MCM9: variants seen among roughly 807,000 people sequenced by gnomAD.
The protein encoded by MCM9 is DNA helicase MCM9.
In MCM9, 55 loss-of-function variants were observed where a neutral mutation model predicts 72.8. The observed-to-expected ratio is 0.76, with a 90% confidence interval of 0.61 to 0.95. MCM9 has a LOEUF of 0.95. Among genes scored for constraint, MCM9 ranks in the 40% least tolerant of loss-of-function variants. MCM9 has a pLI of 0.00. For synonymous variants in MCM9, 480 were observed against 503.4 expected (o/e 0.95, Z 0.62); for missense variants, 1,279 against 1,377.0 (o/e 0.93, Z 1.13).
chr6:118,836,485 T>G (rs1027194495), intron 9 of MCM9, among the ~76,000 whole-genome samples: 4 of 152,222 alleles, frequency 2.6e-5, no homozygotes, highest in African/African-American at 9.7e-5. Context: ...TGGGCTTTTT[T>G]GGGTTGGTAG....
rs1773382880 is a variant in MCM9, at chr6:118,815,909, CCT to C, written c.2345_2346del (p.Gln782ArgfsTer2). 6.5e-7 allele frequency: 1 copy of C among 1,546,562 alleles called. No homozygotes were observed. Among genetic ancestry groups the C allele is most frequent in the Admixed American group, 2.0e-5 (1 of 50,970 alleles). ...MASKISNSTS[Q>X]GKEKSEPGQR... ...TGGCCTGGCTCACTCTTCTCCTTACCCTGAGATGTGCTGTTAGAGATCTTCGA... is the reference window on the plus strand; with the variant it reads ...TGGCCTGGCTCACTCTTCTCCTTACCGAGATGTGCTGTTAGAGATCTTCGA... On this transcript the variant is annotated frameshift_variant, in exon 14 of 14. Transcript: ENST00000619706. LOFTEE classifies it low-confidence loss of function (END_TRUNC).
At chr6:118,894,401 T>A in intron 8 of MCM9, 1 of 1,536,852 alleles carries the variant, frequency 6.5e-7, no homozygotes, top group Non-Finnish European at 8.7e-7. Flanking sequence ...ATTGTTTGTG[T>A]TTTTTTCAAA....
chr6:118,866,355 A>T (rs978904475), intron 8 of MCM9, among the ~76,000 whole-genome samples: 15 of 152,212 alleles, frequency 9.9e-5, no homozygotes, highest in African/African-American at 2.9e-4. Context: ...GAATATGGTA[A>T]ATCTCTAGAA....
chr6:118,843,730 A>ATG (rs1376899992), intron 9 of MCM9, among the ~76,000 whole-genome samples: 1 of 135,516 alleles, frequency 7.4e-6, no homozygotes, highest in Admixed American at 7.4e-5. Flanking sequence ...GTATATATAT[A>ATG]TATATATATA....
intron 9 of MCM9, among the ~76,000 whole-genome samples, chr6:118,851,225 C>T (rs1776207044): frequency 6.6e-6 from 1 of 151,770 alleles, no homozygotes; most frequent in South Asian, 2.1e-4. Context: ...CTAGTAGATG[C>T]CAGTGAGCAC....
intron 8 of MCM9, among the ~76,000 whole-genome samples, chr6:118,880,575 G>A (rs1778224273): frequency 6.6e-6 from 1 of 152,128 alleles, no homozygotes; most frequent in South Asian, 2.1e-4. Context: ...TCCCACTTTT[G>A]TTAATTCCTT....
intron 10 of MCM9, 89 bp downstream of exon 10, chr6:118,828,959 G>T: frequency 7.6e-7 from 1 of 1,307,740 alleles, no homozygotes; most frequent in Non-Finnish European, 1.1e-6. Context: ...GCCTATCTTG[G>T]GTATTTATTT....
intron 8 of MCM9, among the ~76,000 whole-genome samples, chr6:118,869,328 G>A (rs1562417075): frequency 6.6e-6 from 1 of 152,066 alleles, no homozygotes; most frequent in Non-Finnish European, 1.5e-5. Context: ...GTTGATGGGT[G>A]CAGCAAACCA....
chr6:118,912,428 G>A (rs554048582), intron 7 of MCM9: 14 of 152,078 alleles, frequency 9.2e-5, no homozygotes, highest in Admixed American at 2.6e-4. Flanking sequence ...CATAAATAAC[G>A]TGCATATCCT....
At chr6:118,898,456 G>A (rs890513315) in intron 8 of MCM9, among the ~76,000 whole-genome samples, 3 of 140,240 alleles carry the variant, frequency 2.1e-5, no homozygotes, top group East Asian at 4.1e-4. Context: ...AGACAATCTC[G>A]TTCCATTGCC....
In MCM9 at chr6:118,814,648, A is replaced by G; in HGVS notation, c.*176T>C. On this transcript the variant is annotated 3_prime_UTR_variant, in exon 14 of 14. Transcript: ENST00000619706. ...TCACACTGACCTCAACTGATTATAC[A>G]ACTTTTTAAGTCATGAAGATTAACC... 3.6e-6 allele frequency: 2 copies of G among 557,156 alleles called. No homozygotes were observed. The highest frequency in any genetic ancestry group is 5.9e-6 in the Non-Finnish European group (2 of 339,842). 34.5% of individuals were successfully genotyped at this position (557,156 alleles called of 1,614,324 possible).
intron 3 of MCM9, among the ~76,000 whole-genome samples, chr6:118,925,835 T>C (rs1264639746): frequency 6.6e-6 from 1 of 152,200 alleles, no homozygotes; most frequent in East Asian, 1.9e-4. Context: ...CTGGAATATA[T>C]ATTGTAATAC....
intron 9 of MCM9, among the ~76,000 whole-genome samples, chr6:118,832,992 TAGA>T (rs1774681071): frequency 6.6e-6 from 1 of 152,208 alleles, no homozygotes; most frequent in Non-Finnish European, 1.5e-5. Context: ...GAAGTAAAGA[TAGA>T]AGAACATAAA....
intron 8 of MCM9, among the ~76,000 whole-genome samples, chr6:118,889,994 T>G (rs192905653): frequency 6.6e-6 from 1 of 152,164 alleles, no homozygotes; most frequent in Non-Finnish European, 1.5e-5. Flanking sequence ...ATAAAAAGTA[T>G]AAGGATGCAT....
chr6:118,855,083 C>G (rs148324544), intron 9 of MCM9, among the ~76,000 whole-genome samples: 1 of 152,210 alleles, frequency 6.6e-6, no homozygotes, highest in East Asian at 1.9e-4. Flanking sequence ...AACTGCCTGG[C>G]CTTTTGGTGC....
chr6:118,920,510 T>C (rs1781342511), intron 5 of MCM9: 1 of 152,256 alleles, frequency 6.6e-6, no homozygotes, highest in African/African-American at 2.4e-5. Context: ...TGAGATATAA[T>C]CCCTAGTATT....
chr6:118,913,406 A>C lies in MCM9; in HGVS notation c.919T>G (p.Leu307Val), dbSNP rs376873539. Residue 307 changes from leucine (L) to valine (V), a missense_variant, in exon 7 of 14, where the codon TTG becomes GTG. By Grantham distance (32) the Leu-to-Val change is conservative (BLOSUM62 1). Coordinates refer to ENST00000619706, the MANE Select transcript of MCM9 (RefSeq NM_017696.3). ...SDPFAGRNVILASLCPQVFGM... is the reference protein window; with the variant it reads ...SDPFAGRNVIVASLCPQVFGM... ...AACACTTGAGGGCACAAGCTAGCCA[A>C]TATTACATTCCTTCCTAGGAAAAGC... 17 of 1,613,400 alleles carry C rather than the reference A, an allele frequency of 1.1e-5. No individual in the cohort carries two copies. The highest frequency in any genetic ancestry group is 1.4e-5 in the Non-Finnish European group (17 of 1,179,828).
At chr6:118,839,195 TTTC>T (rs1422702337) in intron 9 of MCM9, among the ~76,000 whole-genome samples, 1 of 151,910 alleles carries the variant, frequency 6.6e-6, no homozygotes, top group Non-Finnish European at 1.5e-5. Flanking sequence ...TCTGATATCC[TTTC>T]TTCTGCTTGA....
At chr6:118,924,165 C>A in intron 3 of MCM9, 38 bp from the exon 4 acceptor site, 3 of 1,567,802 alleles carry the variant, frequency 1.9e-6, no homozygotes, top group Middle Eastern at 1.7e-4. Flanking sequence ...CAACTTCAAT[C>A]TTGAGATTTG....
Sources: allele counts gnomAD v4.1 joint callset (sites outside exome capture counted in the v4.1 genomes callset), GRCh38; gene constraint gnomAD v4.1.1; transcripts MANE v1.5; gene names NCBI Gene and HGNC (gene_info 2026-07-23, HGNC 2026-07-21).